ZFPM2: variants seen among roughly 807,000 people sequenced by gnomAD.
ZFPM2 encodes the protein zinc finger protein, FOG family member 2.
Under a neutral mutation model 98.6 loss-of-function variants are expected in ZFPM2, and 20 were observed. That is an observed-to-expected ratio of 0.20 (90% CI 0.14 to 0.29). ZFPM2 has a LOEUF of 0.29. Among genes scored for constraint, ZFPM2 ranks in the 10% least tolerant of loss-of-function variants. The pLI is 1.00. For missense variants in ZFPM2, 1,310 were observed against 1,388.6 expected, an observed-to-expected ratio of 0.94 and a Z score of 0.90; for synonymous variants, 518 against 502.7, an observed-to-expected ratio of 1.03 and a Z score of -0.41.
rs1814123723 is a variant in ZFPM2, at chr8:105,803,824, T to C, written c.*286T>C. On this transcript the variant is annotated 3_prime_UTR_variant, in exon 8 of 8. Coordinates refer to ENST00000407775, the MANE Select transcript of ZFPM2 (RefSeq NM_012082.4). ...TAAAGTCATTTGTAATGTTATTGTA[T>C]AGTTATTGTGTAGCACATATGGTTT... The C allele has an allele frequency of 2.8e-6, 1 of 359,840 alleles. No homozygotes were observed. Among genetic ancestry groups the C allele is most frequent in the African/African-American group, 2.1e-5 (1 of 47,846 alleles). 22.3% of individuals were successfully genotyped at this position (359,840 alleles called of 1,614,324 possible). A position where few individuals can be genotyped will look rare whatever the true frequency, so the allele number is the denominator to read the frequency against.
At chr8:105,585,748 G>A (rs1258209456) in intron 4 of ZFPM2, among the ~76,000 whole-genome samples, 1 of 152,060 alleles carries the variant, frequency 6.6e-6, no homozygotes, top group East Asian at 1.9e-4. Flanking sequence ...TGGGAGGATT[G>A]CTTGACCCCA....
chr8:105,406,805 G>A (rs1368704087), intron 1 of ZFPM2, among the ~76,000 whole-genome samples: 1 of 151,964 alleles, frequency 6.6e-6, no homozygotes, highest in Non-Finnish European at 1.5e-5. Flanking sequence ...TGTACATAGG[G>A]GAGGCCTAGA....
In ZFPM2 at chr8:105,803,592, C is replaced by A; in HGVS notation, c.*54C>A. The A allele has an allele frequency of 6.6e-7, 1 of 1,520,488 alleles. No individual in the cohort carries two copies. The highest frequency in any genetic ancestry group is 1.2e-5 in the South Asian group (1 of 82,968). 94.2% of individuals were successfully genotyped at this position (1,520,488 alleles called of 1,614,324 possible). Reference sequence around the variant, plus strand: ...TCAGTGTTTAGTATGTTGTTCTAACCAGTCCAGAAAAAAAAATAAGCTGTT... The same window carrying A: ...TCAGTGTTTAGTATGTTGTTCTAACAAGTCCAGAAAAAAAAATAAGCTGTT... On this transcript the variant is annotated 3_prime_UTR_variant, in exon 8 of 8. Transcript: ENST00000407775.
chr8:105,437,780 C>T (rs1187667890), intron 2 of ZFPM2, among the ~76,000 whole-genome samples: 4 of 152,092 alleles, frequency 2.6e-5, no homozygotes, highest in South Asian at 4.1e-4. Context: ...TGGTGGCTCA[C>T]GCCTGTAATC....
chr8:105,522,769 T>A (rs547328743), intron 3 of ZFPM2, among the ~76,000 whole-genome samples: 1 of 152,044 alleles, frequency 6.6e-6, no homozygotes, highest in African/African-American at 2.4e-5. Flanking sequence ...AAAGAATATA[T>A]ATTTTTGTAT....
At chr8:105,649,158 C>T (rs1461949465) in intron 5 of ZFPM2, among the ~76,000 whole-genome samples, 1 of 152,152 alleles carries the variant, frequency 6.6e-6, no homozygotes, top group Non-Finnish European at 1.5e-5. Flanking sequence ...TGGGAGTTCA[C>T]TCATGATTCG....
At chr8:105,391,875 A>G (rs1188797148) in intron 1 of ZFPM2, among the ~76,000 whole-genome samples, 1 of 152,198 alleles carries the variant, frequency 6.6e-6, no homozygotes, top group Non-Finnish European at 1.5e-5. Flanking sequence ...ATTCCTGTTA[A>G]TGTTAATATT....
chr8:105,534,082 T>TC (rs1309043492), intron 3 of ZFPM2, among the ~76,000 whole-genome samples: 2 of 10,570 alleles, frequency 1.9e-4, no homozygotes, highest in Non-Finnish European at 3.0e-4. Context: ...CTCCCTCCCA[T>TC]CTTCCTCCCT....
At chr8:105,384,726 C>T (rs1279539631) in intron 1 of ZFPM2, among the ~76,000 whole-genome samples, 1 of 152,114 alleles carries the variant, frequency 6.6e-6, no homozygotes, top group African/African-American at 2.4e-5. Context: ...ACACTAAGGA[C>T]CAGATGCCTT....
intron 1 of ZFPM2, among the ~76,000 whole-genome samples, chr8:105,409,774 A>G (rs1811539644): frequency 6.6e-6 from 1 of 151,902 alleles, no homozygotes; most frequent in South Asian, 2.1e-4. Context: ...ACATGGATTG[A>G]TGGCCCCATC....
At chr8:105,547,524 G>A (rs1445288398) in intron 3 of ZFPM2, among the ~76,000 whole-genome samples, 13 of 117,644 alleles carry the variant, frequency 1.1e-4, no homozygotes, top group Non-Finnish European at 1.4e-4. Flanking sequence ...CCTGGGTGAC[G>A]AGAGTGAAAC....
chr8:105,417,244 CA>C (rs1403319999), intron 1 of ZFPM2, among the ~76,000 whole-genome samples: 1 of 152,074 alleles, frequency 6.6e-6, no homozygotes, highest in Non-Finnish European at 1.5e-5. Context: ...CTTCATTTTT[CA>C]AATCTACAAA....
At chr8:105,483,395 G>T (rs191274413) in intron 3 of ZFPM2, among the ~76,000 whole-genome samples, 74 of 151,884 alleles carry the variant, frequency 4.9e-4, no homozygotes, top group Middle Eastern at 6.8e-3. Flanking sequence ...TTCGAGACCA[G>T]CTTGGCCAAC....
intron 3 of ZFPM2, among the ~76,000 whole-genome samples, chr8:105,529,351 C>G (rs1415613371): frequency 6.6e-6 from 1 of 152,068 alleles, no homozygotes; most frequent in East Asian, 1.9e-4. Flanking sequence ...ATGGGGGGCA[C>G]AGTTTAGTTC....
intron 3 of ZFPM2, among the ~76,000 whole-genome samples, chr8:105,529,139 A>G (rs112018883): frequency 4.9e-4 from 75 of 152,226 alleles, no homozygotes; most frequent in African/African-American, 1.7e-3. Context: ...TAGCTTGTAG[A>G]TGGCCATGTT....
chr8:105,568,821 A>T (rs1441931992), intron 4 of ZFPM2, among the ~76,000 whole-genome samples: 1 of 151,168 alleles, frequency 6.6e-6, no homozygotes, highest in African/African-American at 2.4e-5. Context: ...CCTGTTACTC[A>T]CCTCCCCAGG....
chr8:105,664,238 G>A (rs1331314452), intron 5 of ZFPM2, among the ~76,000 whole-genome samples: 1 of 151,974 alleles, frequency 6.6e-6, no homozygotes, highest in Admixed American at 6.6e-5. Flanking sequence ...AAGTTATGCA[G>A]ATCTTGCAAA....
chr8:105,585,525 A>G (rs1287017454), intron 4 of ZFPM2, among the ~76,000 whole-genome samples: 1 of 152,228 alleles, frequency 6.6e-6, no homozygotes, highest in African/African-American at 2.4e-5. Flanking sequence ...TCATTATTTA[A>G]CAAACATTTG....
intron 5 of ZFPM2, among the ~76,000 whole-genome samples, chr8:105,698,444 TG>T (rs1350267613): frequency 6.6e-6 from 1 of 152,246 alleles, no homozygotes; most frequent in East Asian, 1.9e-4. Flanking sequence ...CTTAAATTCA[TG>T]TATCATTTGT....
Sources: gnomAD v4.1 joint callset for allele counts (sites outside exome capture counted in the v4.1 genomes callset) on GRCh38, gnomAD v4.1.1 for gene constraint, MANE v1.5 for transcripts, NCBI Gene and HGNC (gene_info 2026-07-23, HGNC 2026-07-21) for gene names.